The following ERBB4 variants were observed in gnomAD, a reference collection of about 807,000 sequenced individuals.
The protein encoded by ERBB4 is erb-b2 receptor tyrosine kinase 4.
In ERBB4, 42 loss-of-function variants were observed where a neutral mutation model predicts 158.0. That is an observed-to-expected ratio of 0.27 (90% CI 0.21 to 0.34). The LOEUF (loss-of-function observed/expected upper bound fraction) is 0.34, where lower values mean the gene tolerates loss of function less well. ERBB4 is among the 10% of genes least tolerant of loss of function. The probability of loss-of-function intolerance (pLI) is 1.00; values close to 1 mark genes in which losing one functional copy is unlikely to be tolerated. For synonymous variants in ERBB4, 583 were observed against 558.7 expected (o/e 1.04, Z -0.61); for missense variants, 1,333 against 1,624.1 (o/e 0.82, Z 3.08).
intron 5 of ERBB4, among the ~76,000 whole-genome samples, chr2:211,742,836 T>TA (rs1386784673): frequency 4.0e-5 from 6 of 151,836 alleles, no homozygotes; most frequent in Admixed American, 3.9e-4. Context: ...AAGAAAAAAA[T>TA]ACAGTGCTTA....
rs1393497120 is a variant in ERBB4, at chr2:211,999,190, ATAACTC to A, written c.235-51580_235-51575del. Among the ~76,000 whole-genome samples, 3 of 151,822 alleles carry A rather than the reference ATAACTC, an allele frequency of 2.0e-5. No homozygotes were observed. In the East Asian group the frequency reaches 5.8e-4, roughly 29 times the overall value. On this transcript the variant is annotated intron_variant, in intron 2 of 27. Transcript: ENST00000342788. ...AGTTTTCCCAAATTAGTCTTCCCAA[ATAACTC>A]TATGTCTCTTGCTTATCTGACTGCC... is the stretch of plus-strand genomic sequence containing the variant.
At position 212,446,591 on chromosome 2, in the gene ERBB4, GTATATATATATATATA is replaced by G. The variant is rs71057412; in HGVS notation, c.82+91842_82+91857del. Among the ~76,000 whole-genome samples the G allele has an allele frequency of 1.1e-3, 31 of 27,514 alleles. 2 individuals are homozygous for G. Among genetic ancestry groups the G allele is most frequent in the Middle Eastern group, 0.025 (1 of 40 alleles). The allele number at this position is 27,514 out of a possible 152,430, so 18.1% of individuals were successfully genotyped here. ...TTAATAAACTCCCATATATATATATGTATATATATATATATATATATATATATATATATATATATAT... is the reference window on the plus strand; with the variant it reads ...TTAATAAACTCCCATATATATATATGTATATATATATATATATATATATAT... On this transcript the variant is annotated intron_variant, in intron 1 of 27. Transcript: ENST00000342788.
chr2:212,389,082 T>C (rs996033943), intron 1 of ERBB4, among the ~76,000 whole-genome samples: 1 of 152,062 alleles, frequency 6.6e-6, no homozygotes, highest in Non-Finnish European at 1.5e-5. Flanking sequence ...GAACCGCCTT[T>C]ATGGGGCAAA....
At chr2:211,694,887 G>C (rs188652242) in intron 12 of ERBB4, among the ~76,000 whole-genome samples, 37 of 152,238 alleles carry the variant, frequency 2.4e-4, no homozygotes, top group Admixed American at 8.5e-4. Context: ...AAGTATGGGA[G>C]CAGGAGAAAG....
chr2:212,016,211 C>G (rs1051100021), intron 2 of ERBB4, among the ~76,000 whole-genome samples: 2 of 151,494 alleles, frequency 1.3e-5, no homozygotes, highest in Non-Finnish European at 2.9e-5. Flanking sequence ...ATCAAGTTCA[C>G]ATCAGGGGAA....
At chr2:211,744,025 G>C (rs560637426) in intron 5 of ERBB4, among the ~76,000 whole-genome samples, 1 of 152,056 alleles carries the variant, frequency 6.6e-6, no homozygotes, top group Non-Finnish European at 1.5e-5. Flanking sequence ...GGGAACACTT[G>C]GTTAGATTTT....
chr2:211,555,408 C>T (rs2067211360), intron 20 of ERBB4, among the ~76,000 whole-genome samples: 1 of 152,192 alleles, frequency 6.6e-6, no homozygotes, highest in Non-Finnish European at 1.5e-5. Context: ...TGGTCTCGAA[C>T]TCCTGACCTC....
chr2:212,116,424 G>C (rs900452953), intron 2 of ERBB4, among the ~76,000 whole-genome samples: 1 of 152,040 alleles, frequency 6.6e-6, no homozygotes. Flanking sequence ...GAAACTCATA[G>C]ATGTACATAT....
intron 1 of ERBB4, among the ~76,000 whole-genome samples, chr2:212,525,219 A>ATT (rs990043429): frequency 1.3e-5 from 2 of 151,842 alleles, no homozygotes; most frequent in African/African-American, 2.4e-5. Flanking sequence ...CAGTAAAGTT[A>ATT]TTTTTTTTCA....
intron 1 of ERBB4, among the ~76,000 whole-genome samples, chr2:212,383,791 G>A (rs562865780): frequency 6.6e-6 from 1 of 151,780 alleles, no homozygotes; most frequent in East Asian, 1.9e-4. Flanking sequence ...TTAGTTATCT[G>A]TGTTATCGAA....
intron 1 of ERBB4, among the ~76,000 whole-genome samples, chr2:212,238,241 G>T (rs2106004645): frequency 6.6e-6 from 1 of 152,324 alleles, no homozygotes; most frequent in East Asian, 1.9e-4. Context: ...TTGTTGGGTT[G>T]CGAAGACTGT....
chr2:212,482,695 C>CA (rs777904844), intron 1 of ERBB4, among the ~76,000 whole-genome samples: 1 of 152,190 alleles, frequency 6.6e-6, no homozygotes, highest in Non-Finnish European at 1.5e-5. Context: ...CAGCTCACTG[C>CA]AACCTCTATC....
At chr2:211,621,717 T>C (rs1297028695) in intron 18 of ERBB4, among the ~76,000 whole-genome samples, 3 of 152,308 alleles carry the variant, frequency 2.0e-5, no homozygotes, top group Admixed American at 2.0e-4. Context: ...CAATGTAAGA[T>C]TGAGTTATCT....
At chr2:212,317,815 C>T (rs2106255676) in intron 1 of ERBB4, among the ~76,000 whole-genome samples, 1 of 143,316 alleles carries the variant, frequency 7.0e-6, no homozygotes, top group South Asian at 2.3e-4. Flanking sequence ...TTAGTTTCTT[C>T]CTGTGCCTGT....
chr2:211,589,761 T>TA (rs199750689), intron 19 of ERBB4, among the ~76,000 whole-genome samples: 6 of 152,050 alleles, frequency 3.9e-5, no homozygotes, highest in South Asian at 4.1e-4. Flanking sequence ...TCATTAACTA[T>TA]AAAAAAAACT....
intron 20 of ERBB4, among the ~76,000 whole-genome samples, chr2:211,493,952 A>G (rs2065407601): frequency 6.6e-6 from 1 of 152,024 alleles, no homozygotes; most frequent in Non-Finnish European, 1.5e-5. Context: ...TAAAGACCCT[A>G]ATTTATAGCA....
At chr2:211,532,603 G>A (rs1198358023) in intron 20 of ERBB4, among the ~76,000 whole-genome samples, 1 of 152,002 alleles carries the variant, frequency 6.6e-6, no homozygotes, top group African/African-American at 2.4e-5. Flanking sequence ...GATCTCTACA[G>A]ATAGAAGATG....
At chr2:211,693,582 G>A (rs530669121) in intron 12 of ERBB4, among the ~76,000 whole-genome samples, 1 of 152,180 alleles carries the variant, frequency 6.6e-6, no homozygotes, top group Admixed American at 6.5e-5. Flanking sequence ...TAGAACGATG[G>A]GGGAATAATA....
chr2:212,074,648 T>G (rs2078221513), intron 2 of ERBB4, among the ~76,000 whole-genome samples: 1 of 151,966 alleles, frequency 6.6e-6, no homozygotes, highest in Non-Finnish European at 1.5e-5. Flanking sequence ...TTTTATAGGA[T>G]GATTAATACT....
Sources: allele counts gnomAD v4.1 joint callset (sites outside exome capture counted in the v4.1 genomes callset), GRCh38; gene constraint gnomAD v4.1.1; transcripts MANE v1.5; gene names NCBI Gene and HGNC (gene_info 2026-07-23, HGNC 2026-07-21).